The following SNTG1 variants were observed in gnomAD, a reference collection of about 807,000 sequenced individuals.
SNTG1 encodes gamma-1-syntrophin.
A neutral mutation model predicts 74.7 loss-of-function variants in SNTG1; 39 were observed. The ratio of observed to expected loss-of-function variants is 0.52; its 90% confidence interval spans 0.40 to 0.68. SNTG1 has a LOEUF of 0.68. SNTG1 is among the 30% of genes least tolerant of loss of function. SNTG1 has a pLI of 0.00. For synonymous variants in SNTG1, 254 were observed against 217.1 expected, an observed-to-expected ratio of 1.17 and a Z score of -1.49; for missense variants, 685 against 609.5, an observed-to-expected ratio of 1.12 and a Z score of -1.30.
chr8:50,159,119 T>A (rs1337065211), intron 1 of SNTG1, among the ~76,000 whole-genome samples: 1 of 152,190 alleles, frequency 6.6e-6, no homozygotes, highest in East Asian at 1.9e-4. Context: ...AAATGCTTGT[T>A]CCTGTCTTGG....
At chr8:50,052,032 T>A (rs1819619514) in intron 1 of SNTG1, among the ~76,000 whole-genome samples, 1 of 152,084 alleles carries the variant, frequency 6.6e-6, no homozygotes, top group Non-Finnish European at 1.5e-5. Context: ...AAATTTCAGC[T>A]TTTTTGCAGA....
intron 2 of SNTG1, among the ~76,000 whole-genome samples, chr8:50,366,638 ATT>A (rs2092117902): frequency 6.8e-6 from 1 of 147,610 alleles, no homozygotes; most frequent in African/African-American, 2.5e-5. Context: ...TGTCTATATG[ATT>A]TTATATATAT....
chr8:50,694,676 C>T (rs916969752), intron 15 of SNTG1, among the ~76,000 whole-genome samples: 7 of 151,894 alleles, frequency 4.6e-5, no homozygotes, highest in Non-Finnish European at 8.8e-5. Flanking sequence ...CTGTGAAAAT[C>T]CTCAACATAA....
intron 1 of SNTG1, among the ~76,000 whole-genome samples, chr8:50,081,795 G>C (rs1369232551): frequency 6.6e-6 from 1 of 151,902 alleles, no homozygotes; most frequent in Non-Finnish European, 1.5e-5. Flanking sequence ...CACCACATCC[G>C]ACTAATTTTG....
intron 12 of SNTG1, among the ~76,000 whole-genome samples, chr8:50,565,661 T>C (rs953957539): frequency 6.6e-6 from 1 of 151,960 alleles, no homozygotes; most frequent in South Asian, 2.1e-4. Flanking sequence ...ACTGTAATAT[T>C]GAGCAAAAAA....
At chr8:50,264,593 G>T (rs561357230) in intron 2 of SNTG1, among the ~76,000 whole-genome samples, 1 of 149,342 alleles carries the variant, frequency 6.7e-6, no homozygotes, top group East Asian at 2.0e-4. Context: ...AAAGAAGAAA[G>T]AAACCAGAAA....
chr8:50,432,031 G>A (rs1413653091), intron 4 of SNTG1, among the ~76,000 whole-genome samples: 1 of 152,056 alleles, frequency 6.6e-6, no homozygotes, highest in Non-Finnish European at 1.5e-5. Context: ...TAATTTTAAT[G>A]TATTCTCATT....
chr8:49,914,118 G>A (rs1224673669), intron 1 of SNTG1, among the ~76,000 whole-genome samples: 1 of 151,844 alleles, frequency 6.6e-6, no homozygotes, highest in East Asian at 1.9e-4. Context: ...GCAACTTAAT[G>A]CCTACCAATG....
intron 18 of SNTG1, among the ~76,000 whole-genome samples, chr8:50,784,560 G>A (rs2095669332): frequency 6.6e-6 from 1 of 152,082 alleles, no homozygotes; most frequent in South Asian, 2.1e-4. Flanking sequence ...CGAAATCGAA[G>A]AGAAAATGGA....
intron 1 of SNTG1, among the ~76,000 whole-genome samples, chr8:50,109,679 G>C (rs796261370): frequency 6.6e-6 from 1 of 152,100 alleles, no homozygotes; most frequent in African/African-American, 2.4e-5. Flanking sequence ...GGAGATCCTC[G>C]GTTCTTGGTC....
At chr8:50,685,843 T>C (rs1199235182) in intron 15 of SNTG1, among the ~76,000 whole-genome samples, 1 of 152,186 alleles carries the variant, frequency 6.6e-6, no homozygotes, top group Non-Finnish European at 1.5e-5. Flanking sequence ...CATGTTTTCA[T>C]TTCAGTGTTA....
At chr8:50,209,427 G>A (rs1298336079) in intron 2 of SNTG1, among the ~76,000 whole-genome samples, 1 of 152,200 alleles carries the variant, frequency 6.6e-6, no homozygotes, top group Non-Finnish European at 1.5e-5. Context: ...GCCTCCTCAA[G>A]TGGGTCCCTG....
At chr8:50,275,937 T>C (rs757636170) in intron 2 of SNTG1, among the ~76,000 whole-genome samples, 1 of 152,182 alleles carries the variant, frequency 6.6e-6, no homozygotes, top group Non-Finnish European at 1.5e-5. Context: ...GGAGTGATGC[T>C]TTCAGATCCC....
intron 9 of SNTG1, among the ~76,000 whole-genome samples, chr8:50,522,500 G>T (rs924811315): frequency 6.6e-6 from 1 of 151,866 alleles, no homozygotes; most frequent in Non-Finnish European, 1.5e-5. Context: ...AATAAAAATG[G>T]AATTCAACTG....
chr8:50,412,413 T>C (rs1409376266), intron 4 of SNTG1, among the ~76,000 whole-genome samples: 2 of 152,226 alleles, frequency 1.3e-5, no homozygotes, highest in Non-Finnish European at 2.9e-5. Flanking sequence ...ATTTAAACTA[T>C]TGAATTTCTG....
intron 2 of SNTG1, among the ~76,000 whole-genome samples, chr8:50,221,552 A>AC (rs2085071014): frequency 7.1e-6 from 1 of 141,214 alleles, no homozygotes; most frequent in African/African-American, 2.8e-5. Context: ...CACACACACA[A>AC]GACTGACAGA....
intron 15 of SNTG1, among the ~76,000 whole-genome samples, chr8:50,668,713 A>G (rs1011715497): frequency 6.6e-6 from 1 of 151,780 alleles, no homozygotes; most frequent in African/African-American, 2.4e-5. Flanking sequence ...ATGTGTTCTC[A>G]TAGTTCAACT....
intron 15 of SNTG1, among the ~76,000 whole-genome samples, chr8:50,663,235 G>GT (rs1366289660): frequency 2.0e-4 from 31 of 152,162 alleles, no homozygotes; most frequent in African/African-American, 7.2e-4. Context: ...TGGGTATGAG[G>GT]TTGGTGTTGG....
intron 11 of SNTG1, among the ~76,000 whole-genome samples, chr8:50,543,679 A>G (rs2094365155): frequency 6.6e-6 from 1 of 152,168 alleles, no homozygotes; most frequent in South Asian, 2.1e-4. Flanking sequence ...TTGGAAGCAT[A>G]CATTTCCATT....
Sources: gnomAD v4.1 joint callset for allele counts (sites outside exome capture counted in the v4.1 genomes callset) on GRCh38, gnomAD v4.1.1 for gene constraint, MANE v1.5 for transcripts, NCBI Gene and HGNC (gene_info 2026-07-23, HGNC 2026-07-21) for gene names.